SLC18A2: variants seen among roughly 807,000 people sequenced by gnomAD.
SLC18A2 encodes solute carrier family 18 member A2.
Under a neutral mutation model 59.2 loss-of-function variants are expected in SLC18A2, and 33 were observed. That is an observed-to-expected ratio of 0.56 (90% CI 0.42 to 0.75). The LOEUF is 0.75. Among genes scored for constraint, SLC18A2 ranks in the 30% least tolerant of loss-of-function variants. The pLI is 0.00. For synonymous variants in SLC18A2, 228 were observed against 253.5 expected (o/e 0.90, Z 0.95); for missense variants, 569 against 668.6 (o/e 0.85, Z 1.64).
intron 3 of SLC18A2, among the ~76,000 whole-genome samples, chr10:117,251,359 G>A (rs538994085): frequency 6.6e-6 from 1 of 152,246 alleles, no homozygotes; most frequent in South Asian, 2.1e-4. Flanking sequence ...GTGAGCCCCC[G>A]GTGTTGGGTT....
intron 10 of SLC18A2, 35 bp downstream of exon 10, chr10:117,257,927 C>T (rs1354330078): frequency 6.8e-7 from 1 of 1,471,502 alleles, no homozygotes; most frequent in Non-Finnish European, 9.4e-7. Context: ...GATTCAAGAG[C>T]ATTTGTCCCC....
rs1304048958 is a variant in SLC18A2, at chr10:117,270,130, T to C, written c.1246T>C (p.Ser416Pro). ...MGYLVDLRHV[S>P]VYGSVYAIAD... ...CTACCTCGTAGACCTGCGGCACGTG[T>C]CCGTCTATGGGAGTGTGTACGCCAT... The change falls in exon 14 of 16, where the codon TCC becomes CCC. Residue 416 changes from serine (S) to proline (P), a missense_variant. Transcript: ENST00000644641. The C allele has an allele frequency of 6.2e-7, 1 of 1,614,256 alleles. No individual in the cohort carries two copies. The highest frequency in any genetic ancestry group is 1.1e-5 in the South Asian group (1 of 91,092).
At chr10:117,254,201 T>C (rs1373002373) in intron 5 of SLC18A2, 70 bp downstream of exon 5, 2 of 1,485,876 alleles carry the variant, frequency 1.3e-6, no homozygotes, top group African/African-American at 2.8e-5. Context: ...ATTCAGGGAA[T>C]TCAGGTATTG....
Position 117,277,392 on chromosome 10 carries a change from T to C in SLC18A2, c.*126T>C, listed in dbSNP as rs1329689783. On this transcript the variant is annotated 3_prime_UTR_variant, in exon 16 of 16. Transcript: ENST00000644641. ...GGTGAAAGAGTAAAACCAAAGGTTA[T>C]TATTTCCTTTCCATGGTTATGGTCG... 2 of 532,020 alleles carry C rather than the reference T, an allele frequency of 3.8e-6. No individual in the cohort carries two copies. Among genetic ancestry groups the C allele is most frequent in the African/African-American group, 3.9e-5 (2 of 51,048 alleles). The allele number at this position is 532,020 out of a possible 1,614,324, so 33.0% of individuals were successfully genotyped here.
chr10:117,270,836 C>T (rs1300443789), intron 15 of SLC18A2, among the ~76,000 whole-genome samples: 1 of 152,144 alleles, frequency 6.6e-6, no homozygotes, highest in Non-Finnish European at 1.5e-5. Flanking sequence ...GGTGCTGTTG[C>T]TTTTCTCATA....
At chr10:117,241,638 C>T in intron 1 of SLC18A2, 41 bp from the exon 2 acceptor site, 3 of 1,504,174 alleles carry the variant, frequency 2.0e-6, no homozygotes, top group Non-Finnish European at 2.7e-6. Flanking sequence ...AATGGGGGGT[C>T]CACGGCCGCC....
chr10:117,271,504 T>A (rs1413334003), intron 15 of SLC18A2, among the ~76,000 whole-genome samples: 1 of 152,248 alleles, frequency 6.6e-6, no homozygotes, highest in Non-Finnish European at 1.5e-5. Context: ...TTCCACATAT[T>A]TTAAAATATA....
intron 15 of SLC18A2, among the ~76,000 whole-genome samples, chr10:117,276,404 G>A: frequency 6.6e-6 from 1 of 151,916 alleles, no homozygotes; most frequent in Non-Finnish European, 1.5e-5. Context: ...TTGAAGTCAG[G>A]AGTTTGAGAC....
intron 3 of SLC18A2, among the ~76,000 whole-genome samples, chr10:117,250,928 G>A (rs1297883758): frequency 2.6e-5 from 4 of 152,204 alleles, no homozygotes; most frequent in Non-Finnish European, 5.9e-5. Context: ...TATGGCTGGT[G>A]GTTTGGGGGC....
chr10:117,254,491 G>C lies in SLC18A2; in HGVS notation c.694G>C (p.Val232Leu), dbSNP rs1027132684. The C allele has an allele frequency of 6.2e-7, 1 of 1,603,182 alleles. No homozygotes were observed. The highest frequency in any genetic ancestry group is 8.5e-7 in the Non-Finnish European group (1 of 1,174,238). ...CGCCTTGGGAGGCCTGGCCATGGGGGTCTTAGGTGGGTAAGGCCCCCGTGT... is the reference window on the plus strand; with the variant it reads ...CGCCTTGGGAGGCCTGGCCATGGGGCTCTTAGGTGGGTAAGGCCCCCGTGT... ...GIALGGLAMG[V>L]LVGPPFGSVL... Residue 232 changes from valine (V) to leucine (L), a missense_variant, in exon 6 of 16, where the codon GTC (valine) becomes CTC (leucine). By Grantham distance (32) the Val-to-Leu change is conservative. Transcript: ENST00000644641.
rs1165063686 is a variant in SLC18A2, at chr10:117,253,964, A to T, written c.524-84A>T. 3.2e-6 allele frequency: 4 copies of T among 1,241,608 alleles called. No homozygotes were observed. In the Admixed American group the frequency reaches 5.2e-5, roughly 16 times the overall value. 76.9% of individuals were successfully genotyped at this position (1,241,608 alleles called of 1,614,324 possible). On this transcript the variant is annotated intron_variant, in intron 4 of 15. Transcript: ENST00000644641. ...AACATGCAAATGCTCCACTGGGTTA[A>T]GGGGGGCTTCTGAAACGTTCCTGTT...
intron 9 of SLC18A2, 47 bp downstream of exon 9, chr10:117,255,704 C>A: frequency 1.3e-6 from 2 of 1,570,332 alleles, no homozygotes; most frequent in Non-Finnish European, 1.7e-6. Flanking sequence ...GAGGTGATGG[C>A]CGCGTGCTGG....
intron 9 of SLC18A2, among the ~76,000 whole-genome samples, chr10:117,257,329 C>A (rs1422415919): frequency 6.6e-6 from 1 of 151,976 alleles, no homozygotes; most frequent in Non-Finnish European, 1.5e-5. Context: ...CTGAATGCAC[C>A]TGATCCTGCT....
intron 12 of SLC18A2, 127 bp from the exon 13 acceptor site, chr10:117,267,546 T>G: frequency 1.6e-6 from 1 of 618,484 alleles, no homozygotes; most frequent in Non-Finnish European, 2.7e-6. Flanking sequence ...CCACCCTTCT[T>G]CCTCCTGTTT....
rs1333802878 is a variant in SLC18A2, at chr10:117,269,377, G to GATAC, written c.1187-690_1187-687dup. On this transcript the variant is annotated intron_variant, in intron 13 of 15. Transcript: ENST00000644641. The surrounding 1 kb of genome is among the most constrained non-coding windows in gnomAD (Gnocchi z 5.1). ...ACACACATATACATAGACATACACA[G>GATAC]ATACATATATACATATACATACATA... 9.2e-5 allele frequency among the ~76,000 whole-genome samples: 14 copies of GATAC among 151,736 alleles called. No individual in the cohort carries two copies. Among genetic ancestry groups the GATAC allele is most frequent in the African/African-American group, 3.4e-4 (14 of 41,278 alleles).
chr10:117,278,188 T>G lies in SLC18A2; in HGVS notation c.*922T>G, dbSNP rs1015797709. On this transcript the variant is annotated 3_prime_UTR_variant, in exon 16 of 16. Coordinates refer to ENST00000644641, the MANE Select transcript of SLC18A2 (RefSeq NM_003054.6). ...AGCTGCTCTGACTTTAATATCTGAC[T>G]ATATCTTTGATCTGTTTGCAGGTCA... The G allele has an allele frequency of 3.3e-5, 5 of 152,236 alleles. No homozygotes were observed. The highest frequency in any genetic ancestry group is 1.2e-4 in the African/African-American group (5 of 41,470). 9.4% of individuals were successfully genotyped at this position (152,236 alleles called of 1,614,324 possible).
Position 117,269,264 on chromosome 10 carries a change from TAC to T in SLC18A2, c.1187-803_1187-802del, listed in dbSNP as rs1461088591. Among the ~76,000 whole-genome samples, 2 of 151,686 alleles carry T rather than the reference TAC, an allele frequency of 1.3e-5. No individual in the cohort carries two copies. Among genetic ancestry groups the T allele is most frequent in the African/African-American group, 4.8e-5 (2 of 41,244 alleles). ...ACACAAACACATATACACAGACACATACACATGCAAACACATGTACACACATA... is the reference window on the plus strand; with the variant it reads ...ACACAAACACATATACACAGACACATACATGCAAACACATGTACACACATA... On this transcript the variant is annotated intron_variant, in intron 13 of 15. Transcript: ENST00000644641. This position sits in a 1 kb window ranked among gnomAD's most constrained non-coding sequence, Gnocchi z 5.1.
chr10:117,272,784 C>A (rs1374015551), intron 15 of SLC18A2, among the ~76,000 whole-genome samples: 1 of 152,130 alleles, frequency 6.6e-6, no homozygotes, highest in African/African-American at 2.4e-5. Flanking sequence ...ATTTGACTGG[C>A]CTAATGGTGA....
intron 9 of SLC18A2, 46 bp downstream of exon 9, chr10:117,255,703 G>T (rs747272267): frequency 6.4e-7 from 1 of 1,574,582 alleles, no homozygotes; most frequent in East Asian, 2.2e-5. Flanking sequence ...CGAGGTGATG[G>T]CCGCGTGCTG....
Sources: allele counts gnomAD v4.1 joint callset (sites outside exome capture counted in the v4.1 genomes callset), GRCh38; gene constraint gnomAD v4.1.1; non-coding constraint Gnocchi (gnomAD v3.1); transcripts MANE v1.5; gene names NCBI Gene and HGNC (gene_info 2026-07-23, HGNC 2026-07-21).